FRMPD4: variants seen among roughly 807,000 people sequenced by gnomAD.
FRMPD4 encodes the protein FERM and PDZ domain containing 4, also known as FERM and PDZ domain-containing protein 4.
A neutral mutation model predicts 94.1 loss-of-function variants in FRMPD4; 22 were observed. The ratio of observed to expected loss-of-function variants is 0.23; its 90% CI spans 0.17 to 0.33. FRMPD4 has a LOEUF of 0.33. Among genes scored for constraint, FRMPD4 ranks in the 10% least tolerant of loss-of-function variants. The pLI, the probability that FRMPD4 is intolerant of heterozygous loss-of-function variation, is 1.00. For missense variants in FRMPD4, 1,111 were observed against 1,339.9 expected (o/e 0.83, Z 2.67); for synonymous variants, 631 against 548.6 (o/e 1.15, Z -2.10).
intron 14 of FRMPD4, 67 bp from the exon 15 acceptor site, chrX:12,716,001 TC>T: frequency 4.3e-6 from 1 of 231,653 alleles, no homozygotes; most frequent in Non-Finnish European, 8.2e-6. Flanking sequence ...GAGACGAGCC[TC>T]CCACCCCCGC....
At chrX:12,565,001 G>A (rs1488093260) in intron 2 of FRMPD4, among the ~76,000 whole-genome samples, 11 of 110,068 alleles carry the variant, frequency 1.0e-4, no homozygotes, top group Admixed American at 9.7e-4. Context: ...CACGAGAATC[G>A]CTTAAACTGG....
At chrX:12,673,597 G>T (rs750478816) in intron 4 of FRMPD4, among the ~76,000 whole-genome samples, 1 of 111,924 alleles carries the variant, frequency 8.9e-6, no homozygotes, top group South Asian at 3.8e-4. Flanking sequence ...CAGCAATGCA[G>T]ATCCTTCATC....
chrX:12,123,777 G>T (rs1601954006), intron 3 of FRMPD4, among the ~76,000 whole-genome samples: 1 of 111,226 alleles, frequency 9.0e-6, no homozygotes, highest in Non-Finnish European at 1.9e-5. Context: ...TTTAGATGGG[G>T]TGTTGTGCCT....
intron 1 of FRMPD4, among the ~76,000 whole-genome samples, chrX:12,460,563 T>G (rs1343353539): frequency 8.9e-6 from 1 of 112,568 alleles, no homozygotes; most frequent in African/African-American, 3.2e-5. Context: ...CCATGTAATT[T>G]TAATGGCATT....
chrX:11,951,092 A>G (rs986820977), intron 3 of FRMPD4, among the ~76,000 whole-genome samples: 3 of 109,308 alleles, frequency 2.7e-5, no homozygotes, highest in Non-Finnish European at 3.8e-5. Context: ...GAAAAAAACA[A>G]CAGATGCTGG....
intron 1 of FRMPD4, among the ~76,000 whole-genome samples, chrX:12,343,381 A>G (rs1056843392): frequency 1.8e-5 from 2 of 111,843 alleles, no homozygotes; most frequent in African/African-American, 6.5e-5. Context: ...GGGAGGCGTC[A>G]GCAGGCCATC....
chrX:11,870,758 A>T (rs1450310007), intron 2 of FRMPD4, among the ~76,000 whole-genome samples: 1 of 112,032 alleles, frequency 8.9e-6, no homozygotes, highest in Non-Finnish European at 1.9e-5. Context: ...TAAAAATAGC[A>T]TCTTGGACCG....
chrX:12,294,467 T>TACACACACACACACAC (rs766103055), intron 1 of FRMPD4, among the ~76,000 whole-genome samples: 1,014 of 87,180 alleles, frequency 0.012, 12 homozygotes, highest in Middle Eastern at 0.053. Context: ...CTCATAACTG[T>TACACACACACACACAC]ACACACACAC....
At chrX:12,631,293 A>T (rs1229215105) in intron 4 of FRMPD4, among the ~76,000 whole-genome samples, 2 of 112,031 alleles carry the variant, frequency 1.8e-5, no homozygotes, top group Non-Finnish European at 3.8e-5. Context: ...AGAATTGGAA[A>T]GAAAGAAGTG....
intron 1 of FRMPD4, among the ~76,000 whole-genome samples, chrX:12,476,081 A>C (rs1199991611): frequency 8.9e-6 from 1 of 112,007 alleles, no homozygotes; most frequent in East Asian, 2.8e-4. Context: ...AGGCTACAGT[A>C]ACCAAAACAG....
chrX:12,350,011 A>G lies in FRMPD4; in HGVS notation c.42-148669A>G, dbSNP rs570814634. Among the ~76,000 whole-genome samples the G allele has an allele frequency of 3.7e-4, 41 of 111,850 alleles. 1 individual carries two copies. The Middle Eastern group carries it at 0.023, about 64-fold the overall frequency. ...GGAGCAGGAAGGGGAGTTAAGAGGA[A>G]GCTATGTGCATTGATTTCTCTTAGA... On this transcript the variant is annotated intron_variant, in intron 1 of 16. Transcript: ENST00000675598.
At chrX:12,312,954 G>A (rs2055058575) in intron 1 of FRMPD4, among the ~76,000 whole-genome samples, 1 of 111,354 alleles carries the variant, frequency 9.0e-6, no homozygotes, top group East Asian at 2.8e-4. Context: ...CTTGGCAGAG[G>A]ATGTCAGGGA....
At chrX:12,382,576 A>AGCATAGCATAGCATG (rs1172500508) in intron 1 of FRMPD4, among the ~76,000 whole-genome samples, 2 of 111,978 alleles carry the variant, frequency 1.8e-5, no homozygotes, top group Admixed American at 9.4e-5. Flanking sequence ...AGCATAGCAT[A>AGCATAGCATAGCATG]GCAAGCAATA....
At chrX:12,529,630 C>A (rs372577457) in intron 2 of FRMPD4, among the ~76,000 whole-genome samples, 1 of 112,277 alleles carries the variant, frequency 8.9e-6, no homozygotes, top group Admixed American at 9.4e-5. Flanking sequence ...TACTCACAGT[C>A]TGCCTGGGAA....
At chrX:12,541,467 T>C (rs756778984) in intron 2 of FRMPD4, among the ~76,000 whole-genome samples, 254 of 111,989 alleles carry the variant, frequency 2.3e-3, no homozygotes, top group Non-Finnish European at 3.9e-3. Context: ...AACACCTCTA[T>C]GCAAATAAAC....
At chrX:12,143,707 A>G (rs2055723783) in intron 1 of FRMPD4, among the ~76,000 whole-genome samples, 1 of 112,318 alleles carries the variant, frequency 8.9e-6, no homozygotes, top group Admixed American at 9.4e-5. Flanking sequence ...TATCATTATC[A>G]GCACACATGC....
At chrX:11,903,749 A>G (rs2053951577) in intron 3 of FRMPD4, among the ~76,000 whole-genome samples, 1 of 111,273 alleles carries the variant, frequency 9.0e-6, no homozygotes, top group Non-Finnish European at 1.9e-5. Flanking sequence ...TAAATCCTCT[A>G]TTGTTTGATT....
chrX:11,995,503 C>T (rs989137980), intron 3 of FRMPD4, among the ~76,000 whole-genome samples: 8 of 111,648 alleles, frequency 7.2e-5, no homozygotes, highest in African/African-American at 2.6e-4. Context: ...TTCAATATTT[C>T]AGACTTCTTT....
chrX:12,344,130 A>G (rs375817133), intron 1 of FRMPD4, among the ~76,000 whole-genome samples: 1 of 111,706 alleles, frequency 9.0e-6, no homozygotes, highest in East Asian at 2.8e-4. Flanking sequence ...ACTGGTGTCT[A>G]TCTAGACTAC....
Sources: gnomAD v4.1 joint callset for allele counts (sites outside exome capture counted in the v4.1 genomes callset) on GRCh38, gnomAD v4.1.1 for gene constraint, MANE v1.5 for transcripts, NCBI Gene and HGNC (gene_info 2026-07-23, HGNC 2026-07-21) for gene names.